The following CLASP2 variants were observed in gnomAD, a reference collection of about 807,000 sequenced individuals.
CLASP2 encodes the protein CLIP-associating protein 2.
In CLASP2, 47 loss-of-function variants were observed where a neutral mutation model predicts 194.4. That is an observed-to-expected ratio of 0.24 (90% confidence interval 0.19 to 0.31). The LOEUF (loss-of-function observed/expected upper bound fraction) is 0.31. Ranked by LOEUF, CLASP2 falls within the 10% of genes least tolerant of loss-of-function variation. The pLI is 1.00. For synonymous variants in CLASP2, 619 were observed against 633.5 expected (o/e 0.98, Z 0.34); for missense variants, 1,445 against 1,823.6 (o/e 0.79, Z 3.78).
chr3:33,615,793 A>C (rs980282719), intron 12 of CLASP2, among the ~76,000 whole-genome samples: 54 of 152,140 alleles, frequency 3.5e-4, no homozygotes, highest in Non-Finnish European at 7.4e-5. Flanking sequence ...AAACTAAAAA[A>C]TAATGACAAT....
intron 21 of CLASP2, among the ~76,000 whole-genome samples, chr3:33,587,405 T>G (rs959978790): frequency 2.6e-5 from 4 of 152,186 alleles, no homozygotes; most frequent in Non-Finnish European, 5.9e-5. Context: ...ATTACAGGCG[T>G]GAGCCACCGC....
intron 34 of CLASP2, among the ~76,000 whole-genome samples, chr3:33,529,838 C>T (rs996981445): frequency 7.2e-5 from 11 of 152,028 alleles, no homozygotes; most frequent in Admixed American, 5.2e-4. Flanking sequence ...AAAAGCCGGG[C>T]GCAGTGGCGG....
chr3:33,619,979 A>C (rs539205665), intron 11 of CLASP2, among the ~76,000 whole-genome samples: 1 of 152,332 alleles, frequency 6.6e-6, no homozygotes, highest in South Asian at 2.1e-4. Context: ...CTTTGCAATT[A>C]GCACTTGGAG....
intron 29 of CLASP2, among the ~76,000 whole-genome samples, chr3:33,552,572 CTCT>C (rs1019186239): frequency 1.4e-5 from 2 of 139,036 alleles, no homozygotes; most frequent in Non-Finnish European, 1.7e-5. Context: ...CTTGGCAATT[CTCT>C]TTTTATAAAT....
At chr3:33,712,552 T>C (rs2093065510) in intron 1 of CLASP2, among the ~76,000 whole-genome samples, 1 of 152,102 alleles carries the variant, frequency 6.6e-6, no homozygotes, top group South Asian at 2.1e-4. Context: ...ATATGATTAA[T>C]GGGTAAGCTT....
chr3:33,644,560 T>C (rs781597949), intron 8 of CLASP2, 197 bp downstream of exon 8: 1 of 636,444 alleles, frequency 1.6e-6, no homozygotes, highest in South Asian at 1.8e-5. Flanking sequence ...TTCACATACA[T>C]TCTTAGAGGA....
In CLASP2 at chr3:33,567,124, T is replaced by C. The variant is rs932076550; in HGVS notation, c.2764-390A>G. On this transcript the variant is annotated intron_variant, in intron 26 of 38. Transcript: ENST00000682230. ...ACATTTGGTTCCAAAGCATAGTCCA[T>C]AGAATTTTTTCCTTTCTTTTCTCTT... Among the ~76,000 whole-genome samples the C allele has an allele frequency of 6.6e-5, 10 of 152,210 alleles. No homozygotes were observed. The East Asian group carries it at 9.6e-4, about 15-fold the overall frequency.
intron 33 of CLASP2, among the ~76,000 whole-genome samples, chr3:33,537,454 A>G (rs2057561349): frequency 6.6e-6 from 1 of 152,220 alleles, no homozygotes; most frequent in African/African-American, 2.4e-5. Flanking sequence ...CTTTGCAAAC[A>G]CTGAGAAACA....
At chr3:33,651,257 C>T (rs1279200165) in intron 7 of CLASP2, among the ~76,000 whole-genome samples, 2 of 152,002 alleles carry the variant, frequency 1.3e-5, no homozygotes, top group South Asian at 2.1e-4. Context: ...GTGGCGCATG[C>T]CTGTAATCCC....
At chr3:33,539,017 G>A in intron 32 of CLASP2, 75 bp from the exon 33 acceptor site, 3 of 1,068,324 alleles carry the variant, frequency 2.8e-6, no homozygotes, top group Admixed American at 3.4e-5. Flanking sequence ...GATTATATAA[G>A]GATATTTATA....
chr3:33,619,699 G>A lies in CLASP2; in HGVS notation c.1221C>T (p.Gly407=), dbSNP rs748208275. The part of the protein sequence containing the change: ...STVLGNKFDH[G]AEAIVPTLFN... Reference sequence around the variant, plus strand: ...AAAGTGTAGGTACAATGGCTTCAGCGCCATGATCAAACTTGTTTCCCAAAA... The same window carrying A: ...AAAGTGTAGGTACAATGGCTTCAGCACCATGATCAAACTTGTTTCCCAAAA... Residue 407 remains glycine (G), a synonymous_variant, in exon 12 of 39, where the codon GGC becomes GGT. Transcript: ENST00000682230. The A allele has an allele frequency of 6.9e-6, 11 of 1,584,566 alleles. No homozygotes were observed. The highest frequency in any genetic ancestry group is 1.2e-5 in the South Asian group (1 of 86,146).
intron 20 of CLASP2, 124 bp downstream of exon 20, chr3:33,594,827 A>G (rs2069804652): frequency 2.1e-6 from 1 of 485,912 alleles, no homozygotes; most frequent in African/African-American, 2.0e-5. Flanking sequence ...AGAACTTACT[A>G]CAACTGGCAA....
chr3:33,604,346 C>G (rs533316934), intron 16 of CLASP2, 137 bp from the exon 17 acceptor site: 12 of 633,102 alleles, frequency 1.9e-5, no homozygotes, highest in Admixed American at 5.6e-5. Context: ...GAGACAGAGT[C>G]TTGCTGTGTC....
intron 29 of CLASP2, among the ~76,000 whole-genome samples, chr3:33,557,960 C>T (rs2061237786): frequency 6.6e-6 from 1 of 152,190 alleles, no homozygotes; most frequent in Non-Finnish European, 1.5e-5. Context: ...CAGGTGGTCT[C>T]CCTCATGCTG....
At chr3:33,708,957 C>G (rs1219507525) in intron 1 of CLASP2, among the ~76,000 whole-genome samples, 1 of 152,184 alleles carries the variant, frequency 6.6e-6, no homozygotes, top group Non-Finnish European at 1.5e-5. Context: ...ATGTTGGTAT[C>G]TTCTCAAACA....
intron 34 of CLASP2, among the ~76,000 whole-genome samples, chr3:33,517,677 T>TC (rs1360218677): frequency 1.3e-5 from 2 of 152,170 alleles, no homozygotes; most frequent in Admixed American, 1.3e-4. Context: ...CCCTTTTTTT[T>TC]CTGAGACAGG....
intron 7 of CLASP2, among the ~76,000 whole-genome samples, chr3:33,650,058 A>G (rs970999822): frequency 6.6e-5 from 10 of 152,232 alleles, no homozygotes; most frequent in Admixed American, 2.6e-4. Flanking sequence ...AACAGACAAT[A>G]GGAAAAGACC....
intron 14 of CLASP2, among the ~76,000 whole-genome samples, chr3:33,607,967 C>T (rs1004200546): frequency 2.6e-5 from 4 of 152,060 alleles, no homozygotes; most frequent in African/African-American, 9.7e-5. Context: ...CAAGAATTTC[C>T]ATGAAAATGA....
chr3:33,562,104 A>C (rs1395742656), intron 27 of CLASP2, among the ~76,000 whole-genome samples: 1 of 152,202 alleles, frequency 6.6e-6, no homozygotes, highest in Non-Finnish European at 1.5e-5. Flanking sequence ...TCAACATTTA[A>C]ACTGAGTTAA....
Sources: gnomAD v4.1 joint callset for allele counts (sites outside exome capture counted in the v4.1 genomes callset) on GRCh38, gnomAD v4.1.1 for gene constraint, MANE v1.5 for transcripts, NCBI Gene and HGNC (gene_info 2026-07-23, HGNC 2026-07-21) for gene names.